The following C8orf34 variants were observed in gnomAD, a reference collection of about 807,000 sequenced individuals.
C8orf34 encodes the protein uncharacterized protein C8orf34.
C8orf34 carries 65 observed loss-of-function variants against 68.3 expected under a neutral mutation model. The observed-to-expected ratio is 0.95, with a 90% CI of 0.78 to 1.17. The LOEUF (loss-of-function observed/expected upper bound fraction) is 1.17, where lower values mean the gene tolerates loss of function less well. C8orf34 is among the 50% of genes most tolerant of loss of function. The probability of loss-of-function intolerance (pLI) is 0.00; values close to 1 mark genes in which losing one functional copy is unlikely to be tolerated. For missense variants in C8orf34, 664 were observed against 655.4 expected (o/e 1.01, Z -0.14); for synonymous variants, 244 against 241.2 (o/e 1.01, Z -0.11).
At chr8:68,563,173 C>T (rs1816485974) in intron 7 of C8orf34, among the ~76,000 whole-genome samples, 1 of 152,098 alleles carries the variant, frequency 6.6e-6, no homozygotes, top group South Asian at 2.1e-4. Context: ...AATTGCTTAA[C>T]CTGGTTAGAT....
At chr8:68,360,672 C>G (rs1222222096) in intron 1 of C8orf34, among the ~76,000 whole-genome samples, 1 of 151,988 alleles carries the variant, frequency 6.6e-6, no homozygotes, top group African/African-American at 2.4e-5. Context: ...CCAGCTTGTC[C>G]AGTTCTTCCC....
intron 5 of C8orf34, among the ~76,000 whole-genome samples, chr8:68,498,465 A>G (rs1160603747): frequency 6.6e-6 from 1 of 152,204 alleles, no homozygotes; most frequent in East Asian, 1.9e-4. Context: ...ACTCTAAGCC[A>G]TTATCGATAG....
chr8:68,453,494 G>A (rs914405754), intron 3 of C8orf34, among the ~76,000 whole-genome samples: 1 of 151,932 alleles, frequency 6.6e-6, no homozygotes, highest in African/African-American at 2.4e-5. Context: ...GCATGTCCTT[G>A]GTTAAATTTA....
rs184091075 is a variant in C8orf34, at chr8:68,817,214, C to T, written c.1610-1025C>T. Among the ~76,000 whole-genome samples the T allele has an allele frequency of 5.7e-3, 861 of 152,146 alleles. 5 individuals carry two copies. Among genetic ancestry groups the T allele is most frequent in the Non-Finnish European group, 7.4e-3 (501 of 67,992 alleles). On this transcript the variant is annotated intron_variant, in intron 13 of 13. Transcript: ENST00000518698. ...AGTGAACAGCTATTTACAGAAAATG[C>T]GCTGATGGTGATTATAGAAGCATGA...
At chr8:68,633,921 G>C (rs1011826836) in intron 7 of C8orf34, among the ~76,000 whole-genome samples, 2 of 151,494 alleles carry the variant, frequency 1.3e-5, no homozygotes, top group Non-Finnish European at 2.9e-5. Flanking sequence ...TTTTGGCTGA[G>C]CCTGAGAATT....
At chr8:68,478,534 C>T (rs1025019859) in intron 4 of C8orf34, among the ~76,000 whole-genome samples, 1 of 152,154 alleles carries the variant, frequency 6.6e-6, no homozygotes, top group African/African-American at 2.4e-5. Flanking sequence ...ATAGCAGTGC[C>T]CCAAACTCCC....
intron 4 of C8orf34, among the ~76,000 whole-genome samples, chr8:68,470,113 G>A (rs936143951): frequency 1.3e-5 from 2 of 152,014 alleles, no homozygotes; most frequent in South Asian, 2.1e-4. Context: ...GAAGCTCCAC[G>A]TTTGGTTAAA....
intron 7 of C8orf34, among the ~76,000 whole-genome samples, chr8:68,609,230 A>G (rs535206086): frequency 6.6e-6 from 1 of 152,024 alleles, no homozygotes; most frequent in African/African-American, 2.4e-5. Flanking sequence ...GAGAGAGGAG[A>G]GTTGAGAGTG....
chr8:68,718,698 G>A (rs1821546326), intron 9 of C8orf34, among the ~76,000 whole-genome samples: 1 of 152,148 alleles, frequency 6.6e-6, no homozygotes, highest in African/African-American at 2.4e-5. Flanking sequence ...AAAAAAGTCT[G>A]TTGTGACACA....
chr8:68,483,838 C>G (rs1483350411), intron 4 of C8orf34, among the ~76,000 whole-genome samples: 1 of 152,188 alleles, frequency 6.6e-6, no homozygotes, highest in East Asian at 1.9e-4. Flanking sequence ...GTGGGAGCCA[C>G]TGCTTCTTTA....
At chr8:68,734,522 T>C (rs192043108) in intron 10 of C8orf34, among the ~76,000 whole-genome samples, 1 of 152,314 alleles carries the variant, frequency 6.6e-6, no homozygotes, top group East Asian at 1.9e-4. Flanking sequence ...CAAATTTTGC[T>C]TGTAGTCTTT....
intron 7 of C8orf34, among the ~76,000 whole-genome samples, chr8:68,594,980 G>A (rs1250217195): frequency 6.6e-6 from 1 of 151,604 alleles, no homozygotes; most frequent in Admixed American, 6.6e-5. Context: ...TAAGATCAGT[G>A]CATATTTTTA....
At chr8:68,359,130 A>G (rs1211664869) in intron 1 of C8orf34, among the ~76,000 whole-genome samples, 1 of 152,210 alleles carries the variant, frequency 6.6e-6, no homozygotes, top group East Asian at 1.9e-4. Context: ...AAAAATGTGG[A>G]AAGACAGAGT....
At chr8:68,578,897 C>G (rs1010287969) in intron 7 of C8orf34, among the ~76,000 whole-genome samples, 2 of 152,062 alleles carry the variant, frequency 1.3e-5, no homozygotes, top group Non-Finnish European at 2.9e-5. Flanking sequence ...AATGACAATT[C>G]CTAGCCATAC....
chr8:68,526,927 C>T (rs768762125), intron 6 of C8orf34, among the ~76,000 whole-genome samples: 30 of 152,188 alleles, frequency 2.0e-4, no homozygotes, highest in African/African-American at 3.6e-4. Flanking sequence ...AATGAAGGCT[C>T]AGGAGGCTCC....
intron 7 of C8orf34, among the ~76,000 whole-genome samples, chr8:68,577,793 G>A (rs1363685267): frequency 6.6e-6 from 1 of 151,540 alleles, no homozygotes; most frequent in African/African-American, 2.4e-5. Flanking sequence ...TATACAATAT[G>A]TTTTTATGTA....
At chr8:68,646,424 G>A (rs1339622514) in intron 8 of C8orf34, among the ~76,000 whole-genome samples, 1 of 151,986 alleles carries the variant, frequency 6.6e-6, no homozygotes, top group Non-Finnish European at 1.5e-5. Flanking sequence ...ATTAAATCAA[G>A]CAAGTTAACA....
At chr8:68,597,208 G>T (rs2130470452) in intron 7 of C8orf34, among the ~76,000 whole-genome samples, 1 of 152,120 alleles carries the variant, frequency 6.6e-6, no homozygotes, top group Non-Finnish European at 1.5e-5. Flanking sequence ...CCTGAAGGCA[G>T]GATACCCCCT....
chr8:68,648,683 A>G (rs536809590), intron 8 of C8orf34, among the ~76,000 whole-genome samples: 2 of 152,340 alleles, frequency 1.3e-5, no homozygotes, highest in South Asian at 2.1e-4. Context: ...ATTATAGAGA[A>G]CATACACTGA....
Sources: allele counts gnomAD v4.1 joint callset (sites outside exome capture counted in the v4.1 genomes callset), GRCh38; gene constraint gnomAD v4.1.1; transcripts MANE v1.5; gene names NCBI Gene and HGNC (gene_info 2026-07-23, HGNC 2026-07-21).